SPATA17: variants seen among roughly 807,000 people sequenced by gnomAD.
SPATA17 encodes spermatogenesis associated 17.
A neutral mutation model predicts 62.2 loss-of-function variants in SPATA17; 53 were observed. That is an observed-to-expected ratio of 0.85 (90% CI 0.68 to 1.07). The LOEUF (loss-of-function observed/expected upper bound fraction) is 1.07. Ranked by LOEUF, SPATA17 falls within the 50% of genes least tolerant of loss-of-function variation. SPATA17 has a pLI of 0.00. For missense variants in SPATA17, 466 were observed against 425.5 expected, an observed-to-expected ratio of 1.10 and a Z score of -0.84; for synonymous variants, 146 against 146.8, an observed-to-expected ratio of 0.99 and a Z score of 0.04.
intron 9 of SPATA17, among the ~76,000 whole-genome samples, chr1:217,832,679 A>T (rs112610380): frequency 1.3e-5 from 2 of 152,134 alleles, no homozygotes; most frequent in Admixed American, 6.6e-5. Context: ...ACAGTTGCTC[A>T]TGTCTGTAAT....
At chr1:217,850,638 A>G in intron 9 of SPATA17, 2 of 1,583,430 alleles carry the variant, frequency 1.3e-6, no homozygotes, top group South Asian at 1.1e-5. Flanking sequence ...CTGCATTTTG[A>G]CCTGTTAGCA....
At chr1:217,808,367 ACACACACACACACACCCC>A (rs1213545402) in intron 9 of SPATA17, among the ~76,000 whole-genome samples, 1 of 95,082 alleles carries the variant, frequency 1.1e-5, no homozygotes, top group East Asian at 2.4e-4. Context: ...ACACACACAC[ACACACACACACACACCCC>A]CCTCAGAATT....
intron 6 of SPATA17, among the ~76,000 whole-genome samples, chr1:217,745,613 T>C (rs1672730240): frequency 1.3e-5 from 2 of 152,134 alleles, no homozygotes; most frequent in Admixed American, 6.6e-5. Flanking sequence ...TTAATAAATA[T>C]AATAAACATG....
intron 9 of SPATA17, among the ~76,000 whole-genome samples, chr1:217,860,500 A>G (rs1675876918): frequency 6.6e-6 from 1 of 152,198 alleles, no homozygotes; most frequent in Non-Finnish European, 1.5e-5. Context: ...TCCAACTACA[A>G]TAATGAATTT....
intron 4 of SPATA17, among the ~76,000 whole-genome samples, chr1:217,682,472 C>T (rs1671109075): frequency 6.6e-6 from 1 of 151,944 alleles, no homozygotes; most frequent in Admixed American, 6.6e-5. Flanking sequence ...TTCAATATAA[C>T]TTTTCTTTTA....
chr1:217,734,716 T>C (rs544205527), intron 5 of SPATA17, among the ~76,000 whole-genome samples: 3 of 152,346 alleles, frequency 2.0e-5, no homozygotes, highest in African/African-American at 7.2e-5. Flanking sequence ...TAGGAATTTG[T>C]GTTTTTAACG....
intron 9 of SPATA17, among the ~76,000 whole-genome samples, chr1:217,818,967 T>C (rs146525122): frequency 0.01 from 1,568 of 151,252 alleles, 16 homozygotes; most frequent in Middle Eastern, 0.044. Context: ...TCATATCTGA[T>C]ATGGTTTTGT....
chr1:217,651,282 GTATT>G (rs1670308170), intron 3 of SPATA17, 104 bp downstream of exon 3: 4 of 855,988 alleles, frequency 4.7e-6, no homozygotes, highest in African/African-American at 3.5e-5. Flanking sequence ...CTGATGATGA[GTATT>G]TATGTAAGGA....
intron 8 of SPATA17, among the ~76,000 whole-genome samples, chr1:217,783,544 A>G (rs1052846181): frequency 1.9e-4 from 29 of 152,200 alleles, no homozygotes; most frequent in African/African-American, 6.0e-4. Flanking sequence ...ATTTTACCAC[A>G]CATATCGTAG....
chr1:217,858,499 G>A lies in SPATA17; in HGVS notation c.1006-4275G>A, dbSNP rs551281254. ...GTGTTTCCTGTGCTTCTATTTTCTA[G>A]AACAAATTACAGAAAATAGATATCA... is the stretch of plus-strand genomic sequence containing the variant. On this transcript the variant is annotated intron_variant, in intron 9 of 10. Coordinates refer to ENST00000366933, the MANE Select transcript of SPATA17 (RefSeq NM_138796.4). Among the ~76,000 whole-genome samples, 3 of 152,264 alleles carry A rather than the reference G, an allele frequency of 2.0e-5. No individual in the cohort carries two copies. The South Asian group carries it at 6.2e-4, about 32-fold the overall frequency.
chr1:217,786,750 T>TTTCTTCTTCTTCTTCTTC (rs35648538), intron 8 of SPATA17, among the ~76,000 whole-genome samples: 5,267 of 107,032 alleles, frequency 0.049, 281 homozygotes, highest in East Asian at 0.071. Context: ...TGATATTCTC[T>TTTCTTCTTCTTCTTCTTC]TTCTTCTTCT....
intron 5 of SPATA17, among the ~76,000 whole-genome samples, chr1:217,702,370 C>T (rs1011120206): frequency 6.6e-6 from 1 of 152,088 alleles, no homozygotes; most frequent in East Asian, 1.9e-4. Context: ...GTTGTTGCTA[C>T]ATCAGTTTCC....
intron 9 of SPATA17, among the ~76,000 whole-genome samples, chr1:217,828,455 T>C (rs538468655): frequency 9.3e-6 from 1 of 107,230 alleles, no homozygotes; most frequent in African/African-American, 2.7e-5. Flanking sequence ...AAATGTAACA[T>C]CTGAATTTAT....
intron 8 of SPATA17, among the ~76,000 whole-genome samples, chr1:217,800,133 T>A (rs1674270981): frequency 6.6e-6 from 1 of 152,212 alleles, no homozygotes; most frequent in East Asian, 1.9e-4. Context: ...CCACGTTGAT[T>A]ATTTTCCCAC....
At chr1:217,757,544 T>A (rs560291590) in intron 6 of SPATA17, among the ~76,000 whole-genome samples, 1 of 152,178 alleles carries the variant, frequency 6.6e-6, no homozygotes, top group South Asian at 2.1e-4. Flanking sequence ...GCAAACCCAC[T>A]CCTTCTTCCT....
At chr1:217,865,740 T>C (rs1675996191) in intron 10 of SPATA17, among the ~76,000 whole-genome samples, 1 of 152,192 alleles carries the variant, frequency 6.6e-6, no homozygotes, top group South Asian at 2.1e-4. Context: ...TTATGAATTG[T>C]ATAATGTACC....
chr1:217,671,941 A>C (rs1167093551), intron 4 of SPATA17, among the ~76,000 whole-genome samples: 1 of 152,242 alleles, frequency 6.6e-6, no homozygotes, highest in Admixed American at 6.5e-5. Context: ...TCCTGAGTTG[A>C]GGAATCAGAA....
chr1:217,632,741 G>C (rs1479084034), intron 1 of SPATA17, among the ~76,000 whole-genome samples: 2 of 152,142 alleles, frequency 1.3e-5, no homozygotes, highest in Non-Finnish European at 2.9e-5. Flanking sequence ...CAATAAATCT[G>C]TAGCCCTGGT....
At chr1:217,654,400 C>T (rs1241711068) in intron 3 of SPATA17, among the ~76,000 whole-genome samples, 2 of 152,072 alleles carry the variant, frequency 1.3e-5, no homozygotes, top group African/African-American at 4.8e-5. Flanking sequence ...GCAGGGATTA[C>T]AGGCATGAGC....
Sources: gnomAD v4.1 joint callset for allele counts (sites outside exome capture counted in the v4.1 genomes callset) on GRCh38, gnomAD v4.1.1 for gene constraint, MANE v1.5 for transcripts, NCBI Gene and HGNC (gene_info 2026-07-23, HGNC 2026-07-21) for gene names.